Variants in PNISR observed in about 807,000 individuals in gnomAD.
PNISR encodes the protein PNN interacting serine and arginine rich protein, also known as arginine/serine-rich protein PNISR.
Under a neutral mutation model 93.4 loss-of-function variants are expected in PNISR, and 20 were observed. The ratio of observed to expected loss-of-function variants is 0.21; its 90% CI spans 0.15 to 0.31. The LOEUF is 0.31. Ranked by LOEUF, PNISR falls within the 10% of genes least tolerant of loss-of-function variation. The pLI, the probability that PNISR is intolerant of heterozygous loss-of-function variation, is 1.00. For missense variants in PNISR, 893 were observed against 985.4 expected, an observed-to-expected ratio of 0.91 and a Z score of 1.25; for synonymous variants, 305 against 306.5, an observed-to-expected ratio of 0.99 and a Z score of 0.05.
intron 1 of PNISR, among the ~76,000 whole-genome samples, chr6:99,422,876 C>CAAAAAA (rs58924048): frequency 2.3e-4 from 22 of 94,922 alleles, no homozygotes; most frequent in African/African-American, 2.7e-4. Flanking sequence ...CACTCTGTCT[C>CAAAAAA]AAAAAAAAAA....
intron 5 of PNISR, 58 bp from the exon 6 acceptor site, chr6:99,409,402 C>G: frequency 2.7e-6 from 4 of 1,496,408 alleles, no homozygotes; most frequent in Non-Finnish European, 3.7e-6. Context: ...CTCTCTGGGA[C>G]ACACGTGTGT....
chr6:99,411,256 T>C (rs1776871033), intron 4 of PNISR, among the ~76,000 whole-genome samples: 2 of 152,254 alleles, frequency 1.3e-5, no homozygotes, highest in Admixed American at 1.3e-4. Flanking sequence ...ATTTTTATAT[T>C]TGTTTAGTAA....
At chr6:99,405,748 G>C (rs947261653) in intron 8 of PNISR, among the ~76,000 whole-genome samples, 4 of 151,882 alleles carry the variant, frequency 2.6e-5, no homozygotes, top group African/African-American at 9.7e-5. Context: ...GTAGAGACAA[G>C]GTCTCACTGC....
intron 10 of PNISR, 196 bp from the exon 11 acceptor site, chr6:99,402,906 TC>T (rs1459817634): frequency 1.2e-5 from 5 of 415,710 alleles, no homozygotes; most frequent in African/African-American, 1.0e-4. Context: ...TTACTTAATA[TC>T]TTATTCTTTC....
At chr6:99,416,227 T>G in intron 2 of PNISR, 122 bp downstream of exon 2, 1 of 394,826 alleles carries the variant, frequency 2.5e-6, no homozygotes, top group Non-Finnish European at 4.4e-6. Flanking sequence ...GCCTTTAGAC[T>G]CCTTTAAGGC....
At position 99,406,115 on chromosome 6, in the gene PNISR, C is replaced by T. The variant is rs781677759; in HGVS notation, c.918G>A (p.Gly306=). 12 of 1,610,238 alleles carry T rather than the reference C, an allele frequency of 7.5e-6. No individual in the cohort carries two copies. Among genetic ancestry groups the T allele is most frequent in the Non-Finnish European group, 1.0e-5 (12 of 1,176,556 alleles). Residue 306 remains glycine, a synonymous_variant, in exon 8 of 12, where the codon GGG becomes GGA. Coordinates refer to ENST00000369239, the MANE Select transcript of PNISR (RefSeq NM_032870.4). ...DTENVEAASS[G]KVTRSPSPVP... ...CTGGGGATGGACTTCTGGTGACTTT[C>T]CCACTACTTGCAGCCTCAACATTTT...
rs1320520109 is a variant in PNISR at position 99,412,709 on chromosome 6, G to A, written c.119C>T (p.Ala40Val). 1 of 1,596,514 alleles carries A rather than the reference G, an allele frequency of 6.3e-7. No homozygotes were observed. ...SQIDWAALAQ[A>V]WIAQREASGQ... Reference sequence around the variant, plus strand: ...TGAAGCTTCTCTTTGGGCAATCCAAGCTTGGGCCAATGCAGCCCAATCAAT... The same window carrying A: ...TGAAGCTTCTCTTTGGGCAATCCAAACTTGGGCCAATGCAGCCCAATCAAT... The change falls in exon 4 of 12, where the codon GCT becomes GTT. Residue 40 changes from alanine (A) to valine (V), a missense_variant. Around this residue, in one of 3 missense-constraint regions of PNISR, gnomAD observed 3 missense variants for 17.3 expected, o/e 0.17. Transcript: ENST00000369239.
intron 5 of PNISR, chr6:99,409,848 T>C (rs945205992): frequency 6.5e-6 from 1 of 154,348 alleles, no homozygotes; most frequent in African/African-American, 2.4e-5. Flanking sequence ...CTAGGCCAGC[T>C]GCCAATACAG....
intron 5 of PNISR, chr6:99,410,476 T>A: frequency 2.4e-6 from 1 of 408,806 alleles, no homozygotes; most frequent in Non-Finnish European, 4.4e-6. Context: ...AAATAAAACA[T>A]CATATAGCTA....
chr6:99,412,748 A>C lies in PNISR; in HGVS notation c.89-9T>G. 1 of 1,533,236 alleles carries C rather than the reference A, an allele frequency of 6.5e-7. No individual in the cohort carries two copies. The highest frequency in any genetic ancestry group is 8.8e-7 in the Non-Finnish European group (1 of 1,141,550). The allele number at this position is 1,533,236 out of a possible 1,614,324, so 95.0% of individuals were successfully genotyped here. A position where few individuals can be genotyped will look rare whatever the true frequency, so the allele number is the denominator to read the frequency against. The stretch of plus-strand genomic sequence containing the variant: ...AGCCCAATCAATCTGGCCTAACGTA[A>C]ATTAACACTGACTTCAGCATTCAGA... On this transcript the variant is annotated splice_polypyrimidine_tract_variant and intron_variant, in intron 3 of 11. Coordinates refer to ENST00000369239, the MANE Select transcript of PNISR (RefSeq NM_032870.4).
In PNISR at chr6:99,399,598, C is replaced by T. The variant is rs1775227574; in HGVS notation, c.*942G>A. ...AAACACAATCGTTCCTTACAAATAA[C>T]TCTACTGGTGCACTGGCTTGATTGA... On this transcript the variant is annotated 3_prime_UTR_variant, in exon 12 of 12. Transcript: ENST00000369239. 1 of 152,130 alleles carries T rather than the reference C, an allele frequency of 6.6e-6. No homozygotes were observed. Among genetic ancestry groups the T allele is most frequent in the Non-Finnish European group, 1.5e-5 (1 of 67,998 alleles). 9.4% of individuals were successfully genotyped at this position (152,130 alleles called of 1,614,324 possible).
Position 99,413,280 on chromosome 6 carries a change from G to A in PNISR, c.89-541C>T, listed in dbSNP as rs553922172. The stretch of plus-strand genomic sequence containing the variant: ...CTTCTCTAGCCAAAACATGACTAGT[G>A]TAGTCTGGCTACAACTTCTTAGCCA... On this transcript the variant is annotated intron_variant, in intron 3 of 11. Transcript: ENST00000369239. Among the ~76,000 whole-genome samples the A allele has an allele frequency of 1.1e-4, 17 of 152,178 alleles. 1 individual carries two copies. Among genetic ancestry groups the A allele is most frequent in the Non-Finnish European group, 1.5e-4 (10 of 68,020 alleles).
At chr6:99,404,527 C>G (rs751364176) in intron 9 of PNISR, 76 bp downstream of exon 9, 1 of 788,246 alleles carries the variant, frequency 1.3e-6, no homozygotes. Context: ...CCAACAAGGA[C>G]AACAAAAAAA....
chr6:99,404,431 A>G (rs1360102680), intron 9 of PNISR, 172 bp downstream of exon 9: 4 of 641,620 alleles, frequency 6.2e-6, no homozygotes, highest in South Asian at 4.9e-5. Flanking sequence ...AAACAAAAAT[A>G]TTTGTATAGC....
intron 8 of PNISR, 99 bp from the exon 9 acceptor site, chr6:99,404,801 G>C: frequency 1.6e-6 from 1 of 629,728 alleles, no homozygotes; most frequent in East Asian, 2.9e-5. Flanking sequence ...TTTTTTTTCA[G>C]ACAGTCTCAC....
chr6:99,413,795 T>G (rs541552948), intron 3 of PNISR, among the ~76,000 whole-genome samples: 1 of 119,474 alleles, frequency 8.4e-6, no homozygotes. Flanking sequence ...TATTCTCAGT[T>G]TGAAACACTG....
rs142236924 is a variant in PNISR at position 99,417,825 on chromosome 6, G to T, written c.-111-1397C>A. ...CTACTAAAAAATACAAAAATTAGCCGGGCGTGGCGGCGGGCTCCTGTAATC... is the reference window on the plus strand; with the variant it reads ...CTACTAAAAAATACAAAAATTAGCCTGGCGTGGCGGCGGGCTCCTGTAATC... On this transcript the variant is annotated intron_variant, in intron 1 of 11. Transcript: ENST00000369239. 8.0e-3 allele frequency among the ~76,000 whole-genome samples: 1,215 copies of T among 151,914 alleles called. 15 individuals are homozygous for T. Among genetic ancestry groups the T allele is most frequent in the African/African-American group, 0.028 (1,163 of 41,454 alleles).
At position 99,402,683 on chromosome 6, in the gene PNISR, T is replaced by C; in HGVS notation, c.1184A>G (p.Asp395Gly). 6.2e-7 allele frequency: 1 copy of C among 1,605,990 alleles called. No homozygotes were observed. The highest frequency in any genetic ancestry group is 1.7e-5 in the Admixed American group (1 of 59,808). Reference sequence around the variant, plus strand: ...TCTGTCACTCCTCTCATCTTCACTGTCTCCTGATCCATAACCACCCAGTCC... The same window carrying C: ...TCTGTCACTCCTCTCATCTTCACTGCCTCCTGATCCATAACCACCCAGTCC... ...LGGLGGYGSG[D>G]SEDERSDRGS... Residue 395 changes from aspartate to glycine, a missense_variant, in exon 11 of 12, where the codon GAC becomes GGC. Asp to Gly is a moderately conservative substitution (Grantham distance 94). This residue lies in a region of PNISR where 866 missense variants were observed against 935.1 expected (regional missense o/e 0.93). Coordinates refer to ENST00000369239, the MANE Select transcript of PNISR (RefSeq NM_032870.4).
chr6:99,421,456 CAGTG>C lies in PNISR; in HGVS notation c.-112+3755_-112+3758del, dbSNP rs200094611. 5.3e-5 allele frequency among the ~76,000 whole-genome samples: 8 copies of C among 152,232 alleles called. No individual in the cohort carries two copies. In the East Asian group the frequency reaches 1.5e-3, roughly 29 times the overall value. ...GGTCTTTGCAGATGTATTCAAATTA[CAGTG>C]AGTTCATATTTGATTAGGAGGGACC... On this transcript the variant is annotated intron_variant, in intron 1 of 11. Transcript: ENST00000369239.
Sources: gnomAD v4.1 joint callset for allele counts (sites outside exome capture counted in the v4.1 genomes callset) on GRCh38, gnomAD v4.1.1 for gene constraint, gnomAD v4.1.1 regional missense constraint, MANE v1.5 for transcripts, NCBI Gene and HGNC (gene_info 2026-07-23, HGNC 2026-07-21) for gene names.